The following PECR variants were observed in gnomAD, a reference collection of about 807,000 sequenced individuals.
PECR encodes the protein 2,4-dienoyl-CoA reductase-related protein.
In PECR, 30 loss-of-function variants were observed where a neutral mutation model predicts 35.3. The observed-to-expected ratio is 0.85, with a 90% CI of 0.64 to 1.15. The LOEUF (loss-of-function observed/expected upper bound fraction) is 1.15, where lower values mean the gene tolerates loss of function less well. PECR is among the 50% of genes most tolerant of loss of function. The pLI is 0.00. For synonymous variants in PECR, 148 were observed against 138.9 expected (o/e 1.07, Z -0.46); for missense variants, 392 against 370.8 (o/e 1.06, Z -0.47).
chr2:216,039,354 T>C lies in PECR; in HGVS notation c.833A>G (p.Asp278Gly). ...YTHSYEVPDHDNWPKGAGDLS... is the reference protein window; with the variant it reads ...YTHSYEVPDHGNWPKGAGDLS... ...GTCCCCTGCTCCCTTGGGCCAGTTG[T>C]CATGATCTGTTAAAGAAGTGGAAAG... is the stretch of plus-strand genomic sequence containing the variant. Residue 278 changes from aspartate (D) to glycine (G), a missense_variant, in exon 8 of 8, where the codon GAC (aspartate) becomes GGC (glycine). Coordinates refer to ENST00000265322, the MANE Select transcript of PECR (RefSeq NM_018441.6). 1.9e-6 allele frequency: 3 copies of C among 1,594,480 alleles called. No homozygotes were observed. The highest frequency in any genetic ancestry group is 2.6e-6 in the Non-Finnish European group (3 of 1,162,058).
At chr2:216,071,242 A>G (rs760341401) in intron 1 of PECR, among the ~76,000 whole-genome samples, 3 of 152,202 alleles carry the variant, frequency 2.0e-5, no homozygotes, top group Non-Finnish European at 4.4e-5. Context: ...CTACCAAAAC[A>G]GAAGCAAAGG....
chr2:216,061,035 A>G (rs747227928), intron 3 of PECR, among the ~76,000 whole-genome samples: 8 of 150,078 alleles, frequency 5.3e-5, no homozygotes, highest in Non-Finnish European at 1.5e-5. Flanking sequence ...CCTCACACCT[A>G]TATCCCAGCA....
chr2:216,067,205 AAGATATAC>A (rs1401884322), intron 1 of PECR, among the ~76,000 whole-genome samples: 1 of 152,140 alleles, frequency 6.6e-6, no homozygotes, highest in Non-Finnish European at 1.5e-5. Flanking sequence ...ATAGGGAGAA[AAGATATAC>A]AGAGAGCGAG....
At chr2:216,029,713 G>A (rs1000764124) in intron 7 of PECR, among the ~76,000 whole-genome samples, 2 of 152,220 alleles carry the variant, frequency 1.3e-5, no homozygotes, top group Non-Finnish European at 2.9e-5. Context: ...CTCCCAGCAT[G>A]GCTGAAAATG....
intron 1 of PECR, among the ~76,000 whole-genome samples, chr2:216,068,073 A>G (rs1695503057): frequency 6.6e-6 from 1 of 151,924 alleles, no homozygotes; most frequent in Non-Finnish European, 1.5e-5. Context: ...CTAAAAATAC[A>G]AAAAGTAGCC....
intron 7 of PECR, 121 bp downstream of exon 7, chr2:216,043,783 T>A (rs963336691): frequency 8.9e-6 from 6 of 674,844 alleles, no homozygotes; most frequent in Non-Finnish European, 1.7e-5. Context: ...AAACATTTTG[T>A]ACATTTTGAT....
At chr2:216,075,661 T>G (rs931098107) in intron 1 of PECR, among the ~76,000 whole-genome samples, 9 of 152,196 alleles carry the variant, frequency 5.9e-5, no homozygotes, top group African/African-American at 2.2e-4. Flanking sequence ...AGAAGTAGCT[T>G]GTGGATAAGG....
Position 216,064,398 on chromosome 2 carries a change from A to G in PECR, c.424+914T>C, listed in dbSNP as rs185917814. Among the ~76,000 whole-genome samples the G allele has an allele frequency of 2.8e-3, 431 of 152,304 alleles. 10 individuals are homozygous for G. Among genetic ancestry groups the G allele is most frequent in the South Asian group, 1.2e-3 (6 of 4,824 alleles). On this transcript the variant is annotated intron_variant, in intron 3 of 7. Coordinates refer to ENST00000265322, the MANE Select transcript of PECR (RefSeq NM_018441.6). ...GTGCCCATAAAAGGAATGGGTGAGC[A>G]CTACCCTTTTTCCCCATTCCTGTTG...
chr2:216,061,723 A>T (rs1037228120), intron 3 of PECR, among the ~76,000 whole-genome samples: 1 of 152,154 alleles, frequency 6.6e-6, no homozygotes, highest in Non-Finnish European at 1.5e-5. Context: ...AAAGAGACAT[A>T]AAAAAATGCA....
intron 7 of PECR, among the ~76,000 whole-genome samples, chr2:216,042,354 C>T (rs1299828757): frequency 6.6e-6 from 1 of 152,184 alleles, no homozygotes; most frequent in East Asian, 1.9e-4. Context: ...CTCACATACA[C>T]CAATCATTTA....
chr2:216,054,380 T>C (rs1363342172), intron 4 of PECR, among the ~76,000 whole-genome samples: 1 of 141,586 alleles, frequency 7.1e-6, no homozygotes, highest in African/African-American at 2.9e-5. Flanking sequence ...TCTTTTTTTT[T>C]TTTTTTTTTT....
intron 7 of PECR, among the ~76,000 whole-genome samples, chr2:216,030,954 T>TCACA (rs1351013731): frequency 1.6e-4 from 17 of 109,470 alleles, no homozygotes; most frequent in Non-Finnish European, 2.0e-4. Context: ...TCTCTCTCTC[T>TCACA]CTCACACACA....
rs1695057974 is a variant in PECR at position 216,049,299 on chromosome 2, C to G, written c.678G>C (p.Gln226His). The G allele has an allele frequency of 1.9e-6, 3 of 1,600,702 alleles. No individual in the cohort carries two copies. Among genetic ancestry groups the G allele is most frequent in the Admixed American group, 1.7e-5 (1 of 59,974 alleles). ...WGQSFFEGSF[Q>H]KIPAKRIGVP... ...CACCAATTCGTTTAGCGGGGATTTT[C>G]TGAAAAGACCCTTCAAAGAAGCTTT... The change falls in exon 6 of 8, where the codon CAG (glutamine) becomes CAC (histidine). Residue 226 changes from glutamine (Q) to histidine (H), a missense_variant. Physicochemically the swap from Gln to His is conservative, Grantham distance 24. Transcript: ENST00000265322.
chr2:216,059,066 G>A, intron 3 of PECR, 90 bp from the exon 4 acceptor site: 1 of 788,342 alleles, frequency 1.3e-6, no homozygotes, highest in Non-Finnish European at 2.3e-6. Flanking sequence ...TGTTTGATAT[G>A]TTTTACACGT....
chr2:216,054,787 T>C (rs1695191951), intron 4 of PECR, among the ~76,000 whole-genome samples: 1 of 152,176 alleles, frequency 6.6e-6, no homozygotes, highest in Non-Finnish European at 1.5e-5. Context: ...AATTGGTCAT[T>C]AGTTAAAAAA....
rs555938862 is a variant in PECR at position 216,031,475 on chromosome 2, G to A, written c.*440+7716C>T. 8.0e-4 allele frequency among the ~76,000 whole-genome samples: 106 copies of A among 132,886 alleles called. 1 individual carries two copies. The South Asian group carries it at 8.8e-3, about 11-fold the overall frequency. The allele number at this position is 132,886 out of a possible 152,430, so 87.2% of individuals were successfully genotyped here. A position where few individuals can be genotyped will look rare whatever the true frequency, so the allele number is the denominator to read the frequency against. ...AGAAAGAGAGAAAGAAAGAAAGAAA[G>A]AGAAAGAAAGAAAGAAAGAGAAAGA... On this transcript the variant is annotated intron_variant and NMD_transcript_variant, in intron 7 of 7. Transcript: ENST00000442122.
intron 7 of PECR, among the ~76,000 whole-genome samples, chr2:216,040,089 C>T (rs1694860788): frequency 6.6e-6 from 1 of 151,980 alleles, no homozygotes; most frequent in African/African-American, 2.4e-5. Context: ...AAGATAGAGC[C>T]AACACCATGG....
intron 7 of PECR, among the ~76,000 whole-genome samples, chr2:216,030,940 TCTCTCTCTCTCTCTCTCACACACACACA>T (rs1279675451): frequency 1.4e-4 from 10 of 72,516 alleles, no homozygotes; most frequent in African/African-American, 2.8e-4. Flanking sequence ...TCTCTCTCTC[TCTCTCTCTCTCTCTCTCACACACACACA>T]CACACACACA....
downstream of PECR, among the ~76,000 whole-genome samples, chr2:216,037,218 T>A (rs1694808523): frequency 6.6e-6 from 1 of 152,160 alleles, no homozygotes; most frequent in Non-Finnish European, 1.5e-5. Flanking sequence ...TACATAAGAG[T>A]CCTGGATAAT....
Sources: gnomAD v4.1 joint callset for allele counts (sites outside exome capture counted in the v4.1 genomes callset) on GRCh38, gnomAD v4.1.1 for gene constraint, MANE v1.5 for transcripts, NCBI Gene and HGNC (gene_info 2026-07-23, HGNC 2026-07-21) for gene names.